PTPRZ1: variants seen among roughly 807,000 people sequenced by gnomAD.
The protein encoded by PTPRZ1 is receptor-type tyrosine-protein phosphatase zeta.
In PTPRZ1, 82 loss-of-function variants were observed where a neutral mutation model predicts 214.1. That is an observed-to-expected ratio of 0.38 (90% CI 0.32 to 0.46). PTPRZ1 has a LOEUF of 0.46. Among genes scored for constraint, PTPRZ1 ranks in the 20% least tolerant of loss-of-function variants. The probability of loss-of-function intolerance (pLI) is 1.00; values close to 1 mark genes in which losing one functional copy is unlikely to be tolerated. For missense variants in PTPRZ1, 2,603 were observed against 2,748.7 expected, an observed-to-expected ratio of 0.95 and a Z score of 1.19; for synonymous variants, 945 against 987.9, an observed-to-expected ratio of 0.96 and a Z score of 0.81.
intron 2 of PTPRZ1, among the ~76,000 whole-genome samples, chr7:121,948,557 T>C (rs1328243254): frequency 1.3e-5 from 2 of 152,026 alleles, no homozygotes; most frequent in Non-Finnish European, 2.9e-5. Flanking sequence ...ATCTGAGGTA[T>C]GAAGAAAGAA....
intron 2 of PTPRZ1, among the ~76,000 whole-genome samples, chr7:121,947,236 T>G (rs139147661): frequency 6.7e-6 from 1 of 150,148 alleles, no homozygotes; most frequent in Non-Finnish European, 1.5e-5. Flanking sequence ...TACTTGAACC[T>G]TTTCTCTAAG....
At chr7:122,027,177 A>T (rs1799227817) in intron 13 of PTPRZ1, among the ~76,000 whole-genome samples, 1 of 152,114 alleles carries the variant, frequency 6.6e-6, no homozygotes, top group African/African-American at 2.4e-5. Flanking sequence ...TGCAAAAGTG[A>T]TGGGAAGGAG....
chr7:121,974,766 G>A (rs1294415594), intron 4 of PTPRZ1, among the ~76,000 whole-genome samples: 2 of 152,046 alleles, frequency 1.3e-5, no homozygotes, highest in Admixed American at 1.3e-4. Flanking sequence ...GGGATTACAG[G>A]CATCAGCCAC....
At chr7:121,925,382 T>G (rs1426404851) in intron 1 of PTPRZ1, among the ~76,000 whole-genome samples, 2 of 152,220 alleles carry the variant, frequency 1.3e-5, no homozygotes, top group Non-Finnish European at 2.9e-5. Context: ...AGATTTCATT[T>G]GTAAGTAGAA....
Position 122,011,570 on chromosome 7 carries a change from C to T in PTPRZ1, c.2524C>T (p.Leu842Phe), listed in dbSNP as rs764190983. ...FRHLHTVSQI[L>F]PQVTSATESD... ...CCATCTGCATACAGTTTCTCAAATC[C>T]TTCCACAAGTTACTTCAGCTACCGA... Residue 842 changes from leucine (L) to phenylalanine (F), a missense_variant, in exon 12 of 30, where the codon CTT becomes TTT. Transcript: ENST00000393386. The T allele has an allele frequency of 3.7e-6, 6 of 1,613,934 alleles. No individual in the cohort carries two copies. Among genetic ancestry groups the T allele is most frequent in the East Asian group, 2.2e-5 (1 of 44,888 alleles).
rs142152455 is a variant in PTPRZ1, at chr7:122,012,514, T to A, written c.3468T>A (p.Ala1156=). The A allele has an allele frequency of 9.3e-6, 15 of 1,614,026 alleles. No individual in the cohort carries two copies. The highest frequency in any genetic ancestry group is 4.0e-5 in the African/African-American group (3 of 74,920). Residue 1156 remains alanine (A), a synonymous_variant, in exon 12 of 30, where the codon GCT becomes GCA. Coordinates refer to ENST00000393386, the MANE Select transcript of PTPRZ1 (RefSeq NM_002851.3). ...ANSEPASSDP[A]SSEMLSPSTQ... ...CAGAGCCAGCATCCTCTGACCCTGC[T>A]TCTAGTGAAATGTTATCTCCTTCAA... is the stretch of plus-strand genomic sequence containing the variant.
chr7:121,891,451 CTTTTTTTTT>C (rs58135453), intron 1 of PTPRZ1, among the ~76,000 whole-genome samples: 45 of 35,750 alleles, frequency 1.3e-3, no homozygotes, highest in East Asian at 8.1e-3. Flanking sequence ...AAAACAACCT[CTTTTTTTTT>C]TTTTTTTTTT....
At chr7:122,048,768 T>A (rs1792079377) in intron 23 of PTPRZ1, among the ~76,000 whole-genome samples, 3 of 152,120 alleles carry the variant, frequency 2.0e-5, no homozygotes, top group Admixed American at 2.0e-4. Context: ...CTTCAAAATA[T>A]AACCAGGCCC....
At chr7:122,004,559 C>A in intron 10 of PTPRZ1, 55 bp from the exon 11 acceptor site, 3 of 993,902 alleles carry the variant, frequency 3.0e-6, no homozygotes, top group Non-Finnish European at 4.5e-6. Context: ...GGTAAATCCA[C>A]AAAGGCCGAA....
At position 121,996,464 on chromosome 7, in the gene PTPRZ1, C is replaced by A; in HGVS notation, c.1011C>A (p.Val337=). Residue 337 remains valine, a synonymous_variant, in exon 9 of 30, where the codon GTC becomes GTA. Transcript: ENST00000393386. ...SLLVTWERPR[V]VYDTMIEKFA... The stretch of plus-strand genomic sequence containing the variant: ...TTGTTACATGGGAAAGACCTCGAGT[C>A]GTTTATGATACCATGATTGAGAAGT... 6.2e-7 allele frequency: 1 copy of A among 1,613,132 alleles called. No homozygotes were observed. The highest frequency in any genetic ancestry group is 1.1e-5 in the South Asian group (1 of 90,944).
At chr7:121,969,481 G>T (rs1797152541) in intron 3 of PTPRZ1, among the ~76,000 whole-genome samples, 1 of 148,940 alleles carries the variant, frequency 6.7e-6, no homozygotes, top group Admixed American at 6.8e-5. Context: ...AGAATTGATT[G>T]AACCCAGGAG....
chr7:121,941,227 C>T (rs561282662), intron 2 of PTPRZ1, among the ~76,000 whole-genome samples: 8 of 152,272 alleles, frequency 5.3e-5, no homozygotes, highest in Non-Finnish European at 7.4e-5. Flanking sequence ...AATAAAGAGA[C>T]GTAGTCATTT....
At chr7:121,923,649 T>C (rs1192438638) in intron 1 of PTPRZ1, among the ~76,000 whole-genome samples, 1 of 151,942 alleles carries the variant, frequency 6.6e-6, no homozygotes, top group Non-Finnish European at 1.5e-5. Context: ...ATTCAAAATA[T>C]TTATAATGAT....
intron 6 of PTPRZ1, among the ~76,000 whole-genome samples, chr7:121,978,937 C>G (rs958267808): frequency 1.3e-5 from 2 of 152,022 alleles, no homozygotes; most frequent in Non-Finnish European, 2.9e-5. Flanking sequence ...TGAAGGCTCC[C>G]CCATATTGGC....
chr7:121,879,023 C>T (rs753215383), intron 1 of PTPRZ1, among the ~76,000 whole-genome samples: 16 of 152,138 alleles, frequency 1.1e-4, no homozygotes, highest in Non-Finnish European at 1.3e-4. Context: ...ACTTCTGGTA[C>T]GCGAACTTCA....
chr7:122,058,171 T>C (rs1375823546), intron 27 of PTPRZ1, among the ~76,000 whole-genome samples: 1 of 151,970 alleles, frequency 6.6e-6, no homozygotes, highest in African/African-American at 2.4e-5. Flanking sequence ...TTTGGCCCTT[T>C]GCACTTTTAT....
At chr7:121,895,645 A>T (rs568912862) in intron 1 of PTPRZ1, among the ~76,000 whole-genome samples, 1 of 152,344 alleles carries the variant, frequency 6.6e-6, no homozygotes, top group Non-Finnish European at 1.5e-5. Context: ...AGAAATAAAG[A>T]TCTCTCATTC....
At chr7:121,968,155 C>A in intron 3 of PTPRZ1, 25 bp downstream of exon 3, 2 of 1,563,340 alleles carry the variant, frequency 1.3e-6, no homozygotes, top group South Asian at 1.2e-5. Context: ...TTCTGTTTGC[C>A]TTTAATATAT....
In PTPRZ1 at chr7:121,957,176, C is replaced by G. The variant is rs370710103; in HGVS notation, c.125-10775C>G. On this transcript the variant is annotated intron_variant, in intron 2 of 29. Transcript: ENST00000393386. The stretch of plus-strand genomic sequence containing the variant: ...TTTTTCCCTCTGGGTACCTTCTGTC[C>G]CTTCTTTGCAGGGCCTTTTTAGGCC... Among the ~76,000 whole-genome samples, 22 of 152,206 alleles carry G rather than the reference C, an allele frequency of 1.4e-4. No homozygotes were observed. The East Asian group carries it at 3.7e-3, about 25-fold the overall frequency.
Sources: gnomAD v4.1 joint callset for allele counts (sites outside exome capture counted in the v4.1 genomes callset) on GRCh38, gnomAD v4.1.1 for gene constraint, MANE v1.5 for transcripts, NCBI Gene and HGNC (gene_info 2026-07-23, HGNC 2026-07-21) for gene names.